Variants in ANKS1B observed in about 807,000 individuals in gnomAD.
ANKS1B encodes ankyrin repeat and sterile alpha motif domain containing 1B.
ANKS1B carries 36 observed loss-of-function variants against 148.3 expected under a neutral mutation model. The ratio of observed to expected loss-of-function variants is 0.24; its 90% CI spans 0.19 to 0.32. ANKS1B has a LOEUF of 0.32. Among genes scored for constraint, ANKS1B ranks in the 10% least tolerant of loss-of-function variants. ANKS1B has a pLI of 1.00. For synonymous variants in ANKS1B, 542 were observed against 560.8 expected, an observed-to-expected ratio of 0.97 and a Z score of 0.47; for missense variants, 1,157 against 1,542.6, an observed-to-expected ratio of 0.75 and a Z score of 4.19.
At chr12:99,959,686 CT>C (rs758978589) in intron 1 of ANKS1B, among the ~76,000 whole-genome samples, 4 of 152,142 alleles carry the variant, frequency 2.6e-5, no homozygotes, top group Non-Finnish European at 5.9e-5. Flanking sequence ...AAGCATAACG[CT>C]TGCTTCATCT....
chr12:99,465,247 G>C (rs2096077910), intron 10 of ANKS1B, among the ~76,000 whole-genome samples: 1 of 152,130 alleles, frequency 6.6e-6, no homozygotes, highest in Non-Finnish European at 1.5e-5. Flanking sequence ...AATGCTGAGA[G>C]ATTTTGTCAC....
intron 9 of ANKS1B, among the ~76,000 whole-genome samples, chr12:99,643,505 T>C (rs942801992): frequency 3.9e-5 from 6 of 152,182 alleles, no homozygotes; most frequent in Non-Finnish European, 8.8e-5. Flanking sequence ...GAATAATCCT[T>C]TGGAGTTCTC....
chr12:99,460,125 C>T (rs111837538), intron 10 of ANKS1B, among the ~76,000 whole-genome samples: 5 of 152,100 alleles, frequency 3.3e-5, no homozygotes, highest in African/African-American at 1.2e-4. Flanking sequence ...TGTTTACTGT[C>T]AACCAGTCTT....
intron 9 of ANKS1B, among the ~76,000 whole-genome samples, chr12:99,577,063 T>C (rs1009512374): frequency 6.6e-6 from 1 of 151,884 alleles, no homozygotes; most frequent in Non-Finnish European, 1.5e-5. Flanking sequence ...AAGTAATACA[T>C]GCAGGAATTT....
At chr12:99,742,805 T>C (rs1013477497) in intron 8 of ANKS1B, among the ~76,000 whole-genome samples, 1 of 139,604 alleles carries the variant, frequency 7.2e-6, no homozygotes, top group African/African-American at 2.7e-5. Context: ...ACCACTGCCA[T>C]CCAGCCTGGG....
At chr12:99,919,850 T>C (rs2094298872) in intron 1 of ANKS1B, among the ~76,000 whole-genome samples, 1 of 151,600 alleles carries the variant, frequency 6.6e-6, no homozygotes, top group Admixed American at 6.6e-5. Context: ...ATTAAAAATG[T>C]TTAGATTGAT....
At chr12:99,206,801 C>T (rs889545830) in intron 14 of ANKS1B, among the ~76,000 whole-genome samples, 1 of 152,168 alleles carries the variant, frequency 6.6e-6, no homozygotes, top group African/African-American at 2.4e-5. Context: ...TGAACTAGAT[C>T]AGTCTCTGAA....
chr12:99,348,702 T>C (rs1396297580), intron 12 of ANKS1B, among the ~76,000 whole-genome samples: 2 of 151,914 alleles, frequency 1.3e-5, no homozygotes, highest in African/African-American at 2.4e-5. Flanking sequence ...AAGCTATCCT[T>C]TAAAGATGAA....
intron 1 of ANKS1B, among the ~76,000 whole-genome samples, chr12:99,897,304 G>A (rs2093419553): frequency 6.6e-6 from 1 of 151,066 alleles, no homozygotes. Flanking sequence ...CAAAATGGAA[G>A]CATCTAACTG....
chr12:99,613,232 T>G (rs2097917346), intron 9 of ANKS1B, among the ~76,000 whole-genome samples: 1 of 152,116 alleles, frequency 6.6e-6, no homozygotes, highest in Admixed American at 6.6e-5. Flanking sequence ...GAAAAAGAAA[T>G]GCTTATACCA....
intron 17 of ANKS1B, among the ~76,000 whole-genome samples, chr12:98,840,748 G>A (rs1333974642): frequency 6.6e-6 from 1 of 152,172 alleles, no homozygotes; most frequent in Non-Finnish European, 1.5e-5. Context: ...CATTGCTTCA[G>A]AAGATTAAAA....
intron 12 of ANKS1B, among the ~76,000 whole-genome samples, chr12:99,367,281 G>A (rs1046112010): frequency 2.0e-5 from 3 of 152,092 alleles, no homozygotes; most frequent in Non-Finnish European, 2.9e-5. Flanking sequence ...ATAAAAAGAA[G>A]AGAAATGGCC....
At chr12:99,550,784 G>A (rs542611968) in intron 9 of ANKS1B, among the ~76,000 whole-genome samples, 74 of 152,092 alleles carry the variant, frequency 4.9e-4, no homozygotes, top group African/African-American at 1.6e-3. Context: ...GTGTATAGGG[G>A]GCCTAATTAA....
intron 20 of ANKS1B, among the ~76,000 whole-genome samples, chr12:98,804,437 CTTAGATCTAAAAGTAT>C: frequency 6.9e-6 from 1 of 145,220 alleles, no homozygotes; most frequent in South Asian, 2.2e-4. Flanking sequence ...TTTTTTTAAA[CTTAGATCTAAAAGTAT>C]TTAGAAGACT....
At chr12:99,275,140 C>G (rs1357583849) in intron 12 of ANKS1B, among the ~76,000 whole-genome samples, 5 of 151,994 alleles carry the variant, frequency 3.3e-5, no homozygotes, top group African/African-American at 1.2e-4. Context: ...CATAATAATC[C>G]CAGAAGGATA....
chr12:99,706,938 G>A (rs1460271485), intron 8 of ANKS1B, among the ~76,000 whole-genome samples: 1 of 152,086 alleles, frequency 6.6e-6, no homozygotes, highest in African/African-American at 2.4e-5. Context: ...TCGAGCCACA[G>A]ACGAGGTCCC....
chr12:98,836,942 G>A (rs540216305), intron 17 of ANKS1B, among the ~76,000 whole-genome samples: 2 of 152,234 alleles, frequency 1.3e-5, no homozygotes, highest in East Asian at 3.9e-4. Context: ...GAGAGATCAG[G>A]CACAAATAAC....
At chr12:99,794,460 TACACACACACACAC>T (rs148663206) in intron 4 of ANKS1B, among the ~76,000 whole-genome samples, 1 of 143,562 alleles carries the variant, frequency 7.0e-6, no homozygotes. Flanking sequence ...GAAAATGTGG[TACACACACACACAC>T]ACACACACAC....
At chr12:98,949,744 C>T (rs1228915013) in intron 17 of ANKS1B, 2 of 152,198 alleles carry the variant, frequency 1.3e-5, no homozygotes, top group Non-Finnish European at 2.9e-5. Context: ...GCTGTTGCTG[C>T]AGAGGCAGAG....
Sources: gnomAD v4.1 joint callset for allele counts (sites outside exome capture counted in the v4.1 genomes callset) on GRCh38, gnomAD v4.1.1 for gene constraint, MANE v1.5 for transcripts, NCBI Gene and HGNC (gene_info 2026-07-23, HGNC 2026-07-21) for gene names.